RCAN1: variants seen among roughly 807,000 people sequenced by gnomAD.
RCAN1 encodes the protein calcipressin-1.
In RCAN1, 11 loss-of-function variants were observed where a neutral mutation model predicts 22.9. That is an observed-to-expected ratio of 0.48 (90% CI 0.30 to 0.79). The LOEUF (loss-of-function observed/expected upper bound fraction) is 0.79. Ranked by LOEUF, RCAN1 falls within the 30% of genes least tolerant of loss-of-function variation. The probability of loss-of-function intolerance (pLI) is 0.06; values close to 1 mark genes in which losing one functional copy is unlikely to be tolerated. For missense variants in RCAN1, 291 were observed against 337.8 expected (o/e 0.86, Z 1.09); for synonymous variants, 136 against 142.3 (o/e 0.96, Z 0.32).
At chr21:34,544,988 C>T (rs996283336) in intron 1 of RCAN1, among the ~76,000 whole-genome samples, 1 of 152,234 alleles carries the variant, frequency 6.6e-6, no homozygotes. Flanking sequence ...TTTCTGACTT[C>T]ACTTCTGCAA....
intron 1 of RCAN1, among the ~76,000 whole-genome samples, chr21:34,545,487 T>C (rs995407595): frequency 3.0e-4 from 46 of 152,290 alleles, no homozygotes; most frequent in East Asian, 1.3e-3. Context: ...ATGTGGGGCA[T>C]GGGTGAAAGG....
chr21:34,551,105 C>T (rs896986090), intron 1 of RCAN1, among the ~76,000 whole-genome samples: 4 of 152,160 alleles, frequency 2.6e-5, no homozygotes, highest in Non-Finnish European at 5.9e-5. Context: ...GAATGGGGCT[C>T]TTGTTTTTAA....
At chr21:34,611,756 A>G (rs942180804) in intron 1 of RCAN1, among the ~76,000 whole-genome samples, 2 of 152,200 alleles carry the variant, frequency 1.3e-5, no homozygotes, top group African/African-American at 2.4e-5. Flanking sequence ...CCCAGTCTTA[A>G]CAGTAAGACT....
Position 34,614,645 on chromosome 21 carries a change from G to T in RCAN1, c.252+115C>A. ...TCCGCGGCCGAGCAGCCCGGGGGACGTCGCTGCCTCCCCGCCCCGCGCGCG... is the reference window on the plus strand; with the variant it reads ...TCCGCGGCCGAGCAGCCCGGGGGACTTCGCTGCCTCCCCGCCCCGCGCGCG... On this transcript the variant is annotated intron_variant, in intron 1 of 3. Coordinates refer to ENST00000313806, the MANE Select transcript of RCAN1 (RefSeq NM_004414.7). The surrounding 1 kb of genome is among the most constrained non-coding windows in gnomAD (Gnocchi z 6.0). 1 of 1,134,366 alleles carries T rather than the reference G, an allele frequency of 8.8e-7. No individual in the cohort carries two copies. The highest frequency in any genetic ancestry group is 1.1e-6 in the Non-Finnish European group (1 of 920,362). The allele number at this position is 1,134,366 out of a possible 1,614,324, so 70.3% of individuals were successfully genotyped here. A position where few individuals can be genotyped will look rare whatever the true frequency, so the allele number is the denominator to read the frequency against.
intron 1 of RCAN1, among the ~76,000 whole-genome samples, chr21:34,551,170 C>T (rs752944087): frequency 3.3e-5 from 5 of 152,140 alleles, no homozygotes; most frequent in Non-Finnish European, 5.9e-5. Context: ...ACCCGTGACG[C>T]TAAGGGAAAA....
At position 34,614,709 on chromosome 21, in the gene RCAN1, G is replaced by A; in HGVS notation, c.252+51C>T. On this transcript the variant is annotated intron_variant, in intron 1 of 3. Transcript: ENST00000313806. The surrounding 1 kb of genome is among the most constrained non-coding windows in gnomAD (Gnocchi z 6.0). ...GCTGCGACCCGCGCCGCCTCCTCGG[G>A]CAACAAGTGTCCGCCCTCCGCCCCG... 2.2e-6 allele frequency: 3 copies of A among 1,370,028 alleles called. No individual in the cohort carries two copies. The highest frequency in any genetic ancestry group is 2.9e-5 in the South Asian group (2 of 68,700). 84.9% of individuals were successfully genotyped at this position (1,370,028 alleles called of 1,614,324 possible).
At chr21:34,549,287 C>T (rs570561213) in intron 1 of RCAN1, among the ~76,000 whole-genome samples, 22 of 152,314 alleles carry the variant, frequency 1.4e-4, no homozygotes, top group South Asian at 1.0e-3. Flanking sequence ...GTGGCAGCCT[C>T]GGTTCAAAAA....
At chr21:34,529,684 T>C (rs1985268113) in intron 1 of RCAN1, among the ~76,000 whole-genome samples, 1 of 152,222 alleles carries the variant, frequency 6.6e-6, no homozygotes, top group Admixed American at 6.5e-5. Flanking sequence ...ATATTCCTGA[T>C]TCTTGCTTGC....
chr21:34,518,249 C>T lies in RCAN1; in HGVS notation c.594G>A (p.Lys198=). The T allele has an allele frequency of 1.2e-6, 2 of 1,614,052 alleles. No homozygotes were observed. Among genetic ancestry groups the T allele is most frequent in the East Asian group, 4.5e-5 (2 of 44,890 alleles). ...TGTCAGTCGCTGCGTGCAATTCATA[C>T]TTTTCCCCTAAGGAGGGAAAATAAT... The part of the protein sequence containing the change: ...YAISKLGPGE[K]YELHAATDTT... Residue 198 remains lysine (K), a synonymous_variant, in exon 4 of 4, where the codon AAG becomes AAA. Coordinates refer to ENST00000313806, the MANE Select transcript of RCAN1 (RefSeq NM_004414.7). The surrounding 1 kb of genome is among the most constrained non-coding windows in gnomAD (Gnocchi z 4.2).
chr21:34,602,962 C>T (rs1988400294), intron 1 of RCAN1, among the ~76,000 whole-genome samples: 1 of 152,138 alleles, frequency 6.6e-6, no homozygotes, highest in Non-Finnish European at 1.5e-5. Context: ...GTATTCTAAA[C>T]AAAGCGGGCA....
intron 1 of RCAN1, among the ~76,000 whole-genome samples, chr21:34,548,817 C>T (rs1290784424): frequency 1.3e-5 from 2 of 152,186 alleles, no homozygotes; most frequent in African/African-American, 4.8e-5. Context: ...TTAGTGCCAT[C>T]TAAATAAAAC....
chr21:34,562,357 C>A (rs189031733), intron 1 of RCAN1, among the ~76,000 whole-genome samples: 3 of 152,280 alleles, frequency 2.0e-5, no homozygotes, highest in Admixed American at 6.5e-5. Context: ...TGATTAGATG[C>A]CTACCATGTG....
chr21:34,519,725 TAAGC>T (rs1470531685), intron 3 of RCAN1, among the ~76,000 whole-genome samples: 1 of 151,996 alleles, frequency 6.6e-6, no homozygotes, highest in Non-Finnish European at 1.5e-5. Context: ...GCAGTTCGGG[TAAGC>T]GAGGAGGCAC....
chr21:34,594,238 G>T (rs535783669), intron 1 of RCAN1, among the ~76,000 whole-genome samples: 1 of 152,236 alleles, frequency 6.6e-6, no homozygotes, highest in East Asian at 1.9e-4. Flanking sequence ...GGACATAGCT[G>T]AAAAAAATGA....
At chr21:34,558,317 T>C (rs1315715526) in intron 1 of RCAN1, among the ~76,000 whole-genome samples, 3 of 152,092 alleles carry the variant, frequency 2.0e-5, no homozygotes. Context: ...CAGTCAGAGA[T>C]GGAAAGGTTT....
At chr21:34,574,326 G>A (rs1398600730) in intron 1 of RCAN1, among the ~76,000 whole-genome samples, 1 of 152,340 alleles carries the variant, frequency 6.6e-6, no homozygotes, top group South Asian at 2.1e-4. Context: ...TATCAATCAA[G>A]CGTGAGGGTG....
intron 1 of RCAN1, among the ~76,000 whole-genome samples, chr21:34,556,783 T>G (rs1986590609): frequency 1.3e-5 from 2 of 152,236 alleles, no homozygotes; most frequent in African/African-American, 4.8e-5. Context: ...TTTTTGTTTC[T>G]TCCAATGTAA....
chr21:34,543,987 A>G (rs552802490), intron 1 of RCAN1, among the ~76,000 whole-genome samples: 6 of 152,360 alleles, frequency 3.9e-5, no homozygotes, highest in Middle Eastern at 3.4e-3. Context: ...ACTGAATCCT[A>G]TGAACTTCAG....
chr21:34,580,774 G>C (rs9978350), intron 1 of RCAN1, among the ~76,000 whole-genome samples: 26,183 of 152,242 alleles, frequency 0.17, 2,734 homozygotes, highest in South Asian at 0.25. Context: ...GAGAGGTCAA[G>C]TGTCTGGCTG....
Sources: gnomAD v4.1 joint callset for allele counts (sites outside exome capture counted in the v4.1 genomes callset) on GRCh38, gnomAD v4.1.1 for gene constraint, Gnocchi (gnomAD v3.1) non-coding constraint, MANE v1.5 for transcripts, NCBI Gene and HGNC (gene_info 2026-07-23, HGNC 2026-07-21) for gene names.